Variants in IRAK1BP1 observed in about 807,000 individuals in gnomAD.
IRAK1BP1 encodes the protein interleukin 1 receptor associated kinase 1 binding protein 1, also known as interleukin-1 receptor-associated kinase 1-binding protein 1.
Under a neutral mutation model 28.0 loss-of-function variants are expected in IRAK1BP1, and 24 were observed. The observed-to-expected ratio is 0.86, with a 90% CI of 0.62 to 1.20. The LOEUF (loss-of-function observed/expected upper bound fraction) is 1.20. Ranked by LOEUF, IRAK1BP1 falls within the 50% of genes most tolerant of loss-of-function variation. IRAK1BP1 has a pLI of 0.00. For missense variants in IRAK1BP1, 336 were observed against 316.7 expected, an observed-to-expected ratio of 1.06 and a Z score of -0.46; for synonymous variants, 131 against 116.3, an observed-to-expected ratio of 1.13 and a Z score of -0.81.
chr6:78,898,088 T>A lies in IRAK1BP1; in HGVS notation c.537T>A (p.Val179=). The A allele has an allele frequency of 6.2e-7, 1 of 1,611,944 alleles. No homozygotes were observed. The highest frequency in any genetic ancestry group is 8.5e-7 in the Non-Finnish European group (1 of 1,179,008). The change falls in exon 4 of 4, where the codon GTT becomes GTA. Residue 179 remains valine (V), a synonymous_variant. Transcript: ENST00000369940. ...GACGGCAAGCCTGTCTTGTTGCTGT[T>A]GAGAATGCGTGGCGCAAAGCTCAAG... ...NLRRQACLVA[V]ENAWRKAQEV... is the part of the protein sequence containing the mutation.
At chr6:78,896,925 CTG>C (rs1301056630) in intron 2 of IRAK1BP1, among the ~76,000 whole-genome samples, 1 of 151,844 alleles carries the variant, frequency 6.6e-6, no homozygotes. Context: ...TCTGTAGTAT[CTG>C]TATTTTGTTT....
At chr6:78,883,472 TAAA>T (rs1771303579) in intron 1 of IRAK1BP1, among the ~76,000 whole-genome samples, 1 of 152,202 alleles carries the variant, frequency 6.6e-6, no homozygotes, top group Non-Finnish European at 1.5e-5. Context: ...AAAACACTAT[TAAA>T]AACAAAAATA....
intron 4 of IRAK1BP1, chr6:78,936,034 A>G (rs2127673432): frequency 6.6e-6 from 1 of 152,190 alleles, no homozygotes; most frequent in African/African-American, 2.4e-5. Context: ...GAAAGGTCCA[A>G]TCAGTATGTA....
At chr6:78,957,475 G>A in the IRAK1BP1 span, 1 of 151,144 alleles carries the variant, frequency 6.6e-6, no homozygotes, top group African/African-American at 2.4e-5. Context: ...TATGTTTGGT[G>A]TTTTCTTATA....
intron 4 of IRAK1BP1, among the ~76,000 whole-genome samples, chr6:78,911,242 G>T (rs1328227276): frequency 6.6e-6 from 1 of 152,164 alleles, no homozygotes; most frequent in Non-Finnish European, 1.5e-5. Context: ...ATCCATGCCA[G>T]AACGCAGTGA....
At chr6:78,921,925 C>CATCA (rs1480830592) in intron 4 of IRAK1BP1, among the ~76,000 whole-genome samples, 1 of 152,198 alleles carries the variant, frequency 6.6e-6, no homozygotes, top group Admixed American at 6.5e-5. Context: ...CCCATCTGTA[C>CATCA]ATCACCATCA....
the IRAK1BP1 span, chr6:78,955,174 G>T: frequency 3.4e-6 from 4 of 1,174,032 alleles, no homozygotes; most frequent in Non-Finnish European, 4.9e-6. Context: ...AATAAAGAAA[G>T]CTCTTAATAC....
intron 2 of IRAK1BP1, among the ~76,000 whole-genome samples, chr6:78,886,266 G>A (rs1294483176): frequency 6.6e-6 from 1 of 152,146 alleles, no homozygotes; most frequent in East Asian, 1.9e-4. Flanking sequence ...TTTCTCAAAG[G>A]TCATATAACA....
At chr6:78,945,215 A>T in intron 4 of IRAK1BP1, 1 of 1,012,664 alleles carries the variant, frequency 9.9e-7, no homozygotes, top group Non-Finnish European at 1.5e-6. Flanking sequence ...GCAACCTGAA[A>T]AGTGGATATA....
intron 1 of IRAK1BP1, among the ~76,000 whole-genome samples, chr6:78,875,717 A>G (rs1770976131): frequency 6.6e-6 from 1 of 152,176 alleles, no homozygotes; most frequent in Admixed American, 6.5e-5. Context: ...TGGGAACTCC[A>G]AAAGTAGGGA....
intron 2 of IRAK1BP1, among the ~76,000 whole-genome samples, chr6:78,891,093 A>C (rs997982483): frequency 6.6e-6 from 1 of 152,212 alleles, no homozygotes; most frequent in Admixed American, 6.5e-5. Context: ...CTCATAGATT[A>C]CCCAATTAAT....
chr6:78,914,853 C>T (rs1053070382), intron 4 of IRAK1BP1, among the ~76,000 whole-genome samples: 2 of 152,182 alleles, frequency 1.3e-5, no homozygotes, highest in African/African-American at 2.4e-5. Context: ...TGGAGTCTTG[C>T]TCTATCACCC....
At chr6:78,945,759 TG>T in exon 5 of IRAK1BP1, 2 of 599,332 alleles carry the variant, frequency 3.3e-6, no homozygotes, top group East Asian at 2.9e-5. Flanking sequence ...GTGGGTACTG[TG>T]ATTTAAATTC....
Position 78,898,063 on chromosome 6 carries a change from G to A in IRAK1BP1, c.513-1G>A. On this transcript the variant is annotated splice_acceptor_variant, in intron 3 of 3. Coordinates refer to ENST00000369940, the MANE Select transcript of IRAK1BP1 (RefSeq NM_001010844.4). LOFTEE classifies it high-confidence loss of function. ...AATAATCTCTCCATTTAATTCCTAAGACGGCAAGCCTGTCTTGTTGCTGTT... is the reference window on the plus strand; with the variant it reads ...AATAATCTCTCCATTTAATTCCTAAAACGGCAAGCCTGTCTTGTTGCTGTT... The A allele has an allele frequency of 6.2e-7, 1 of 1,607,060 alleles. No homozygotes were observed. Among genetic ancestry groups the A allele is most frequent in the Non-Finnish European group, 8.5e-7 (1 of 1,176,366 alleles).
intron 1 of IRAK1BP1, among the ~76,000 whole-genome samples, chr6:78,870,718 GT>G (rs937992730): frequency 6.7e-6 from 1 of 150,220 alleles, no homozygotes; most frequent in African/African-American, 2.4e-5. Flanking sequence ...TTTGGTTTTT[GT>G]TTTTTTTTGA....
downstream of IRAK1BP1, chr6:78,947,615 T>A (rs1582085430): frequency 7.7e-7 from 1 of 1,298,432 alleles, no homozygotes; most frequent in Non-Finnish European, 1.1e-6. Context: ...AATAATGTAA[T>A]TATATACCCT....
chr6:78,940,806 C>T (rs1429857426), intron 4 of IRAK1BP1: 1 of 1,613,940 alleles, frequency 6.2e-7, no homozygotes, highest in Admixed American at 1.7e-5. Flanking sequence ...CTTTGCTCCT[C>T]TTCAGAGTCA....
chr6:78,876,711 C>T (rs1255586914), intron 1 of IRAK1BP1, among the ~76,000 whole-genome samples: 2 of 152,120 alleles, frequency 1.3e-5, no homozygotes, highest in Admixed American at 1.3e-4. Context: ...TTAAAACTGG[C>T]AGGTCCATGT....
At chr6:78,947,533 G>A, downstream of IRAK1BP1, 1 of 627,338 alleles carries the variant, frequency 1.6e-6, no homozygotes, top group South Asian at 2.5e-5. Context: ...AGTTAACTTT[G>A]ACCTAAATTT....
Sources: allele counts gnomAD v4.1 joint callset (sites outside exome capture counted in the v4.1 genomes callset), GRCh38; gene constraint gnomAD v4.1.1; transcripts MANE v1.5; gene names NCBI Gene and HGNC (gene_info 2026-07-23, HGNC 2026-07-21).